Variants in DOCK9 observed in about 807,000 individuals in gnomAD.
The protein encoded by DOCK9 is dedicator of cytokinesis protein 9.
DOCK9 carries 89 observed loss-of-function variants against 263.3 expected under a neutral mutation model. That is an observed-to-expected ratio of 0.34 (90% CI 0.28 to 0.40). The LOEUF (loss-of-function observed/expected upper bound fraction) is 0.40. Ranked by LOEUF, DOCK9 falls within the 10% of genes least tolerant of loss-of-function variation. DOCK9 has a pLI of 1.00. For synonymous variants in DOCK9, 976 were observed against 973.1 expected (o/e 1.00, Z -0.06); for missense variants, 2,140 against 2,603.4 (o/e 0.82, Z 3.87).
At chr13:98,882,471 T>A (rs1304393148) in intron 23 of DOCK9, among the ~76,000 whole-genome samples, 1 of 152,174 alleles carries the variant, frequency 6.6e-6, no homozygotes, top group African/African-American at 2.4e-5. Flanking sequence ...ATTTCTCACA[T>A]TTCTTGTTTT....
In DOCK9 at chr13:98,867,915, AC is replaced by A; in HGVS notation, c.3174+12del. On this transcript the variant is annotated intron_variant, in intron 29 of 52. Transcript: ENST00000682017. Reference sequence around the variant, plus strand: ...ATGGTGACTTCTGTTACCAGTAACAACCCCCGCACTACCTTTGGGTCTCCAG... The same window carrying A: ...ATGGTGACTTCTGTTACCAGTAACAACCCCGCACTACCTTTGGGTCTCCAG... The A allele has an allele frequency of 1.9e-6, 3 of 1,611,410 alleles. No individual in the cohort carries two copies. Among genetic ancestry groups the A allele is most frequent in the Non-Finnish European group, 2.5e-6 (3 of 1,178,554 alleles).
chr13:99,084,938 T>C (rs2042271409), intron 1 of DOCK9, among the ~76,000 whole-genome samples: 1 of 152,266 alleles, frequency 6.6e-6, no homozygotes, highest in South Asian at 2.1e-4. Context: ...ACTCCTGCTC[T>C]ACTCCTTACC....
At chr13:98,918,602 A>G (rs1469827874) in intron 7 of DOCK9, among the ~76,000 whole-genome samples, 1 of 152,256 alleles carries the variant, frequency 6.6e-6, no homozygotes, top group African/African-American at 2.4e-5. Flanking sequence ...AGTGGAAACT[A>G]GATGGCAATG....
intron 43 of DOCK9, among the ~76,000 whole-genome samples, chr13:98,827,769 C>T (rs1459694110): frequency 2.0e-5 from 3 of 152,206 alleles, no homozygotes; most frequent in African/African-American, 7.2e-5. Flanking sequence ...GTCACATGCA[C>T]TGAACAGGCA....
intron 15 of DOCK9, among the ~76,000 whole-genome samples, chr13:98,892,221 T>G (rs1439226508): frequency 2.0e-5 from 3 of 152,026 alleles, no homozygotes; most frequent in Non-Finnish European, 4.4e-5. Context: ...CTTAGGAAAA[T>G]TTTCCCTTCC....
intron 45 of DOCK9, among the ~76,000 whole-genome samples, chr13:98,823,642 A>T (rs1439882802): frequency 6.6e-6 from 1 of 152,222 alleles, no homozygotes; most frequent in African/African-American, 2.4e-5. Context: ...GGAGGCAGGT[A>T]CACACAAAGA....
intron 1 of DOCK9, among the ~76,000 whole-genome samples, chr13:98,960,111 C>T (rs1254658449): frequency 2.0e-5 from 3 of 152,194 alleles, no homozygotes; most frequent in African/African-American, 7.2e-5. Flanking sequence ...ACAGATCTGG[C>T]ACACAGCCGT....
At chr13:99,050,597 G>A (rs2096381) in intron 1 of DOCK9, among the ~76,000 whole-genome samples, 2 of 152,198 alleles carry the variant, frequency 1.3e-5, no homozygotes, top group Non-Finnish European at 2.9e-5. Context: ...GGAGGTTGAG[G>A]CAGGAGAATA....
intron 2 of DOCK9, among the ~76,000 whole-genome samples, chr13:98,944,098 T>C (rs1419187826): frequency 6.6e-6 from 1 of 152,216 alleles, no homozygotes; most frequent in African/African-American, 2.4e-5. Flanking sequence ...CTCTCTGACA[T>C]ATTTAAAATG....
chr13:98,799,050 A>G (rs1241013274), intron 50 of DOCK9, among the ~76,000 whole-genome samples: 1 of 152,178 alleles, frequency 6.6e-6, no homozygotes, highest in Admixed American at 6.5e-5. Context: ...CTGTTACATA[A>G]TCACTCATGT....
intron 52 of DOCK9, 133 bp downstream of exon 52, chr13:98,796,982 G>C (rs1456489997): frequency 6.6e-6 from 6 of 911,640 alleles, no homozygotes; most frequent in Non-Finnish European, 1.0e-5. Flanking sequence ...GAGCATGGCA[G>C]GAGTGTGGTA....
chr13:98,882,076 T>C (rs2044864527), intron 23 of DOCK9, 69 bp from the exon 24 acceptor site: 2 of 1,280,698 alleles, frequency 1.6e-6, no homozygotes, highest in Non-Finnish European at 1.1e-6. Context: ...TAACTTCCAC[T>C]CTTCCAAACA....
At position 98,972,448 on chromosome 13, in the gene DOCK9, T is replaced by C. The variant is rs189160522; in HGVS notation, c.126+5336A>G. Among the ~76,000 whole-genome samples the C allele has an allele frequency of 1.6e-4, 24 of 152,202 alleles. No individual in the cohort carries two copies. In the East Asian group the frequency reaches 4.4e-3, roughly 28 times the overall value. ...TTTCTATACACTGCTACCCAGGAGG[T>C]AGCAGTGACTTGGCATGGCAATGAG... On this transcript the variant is annotated intron_variant, in intron 1 of 52. Transcript: ENST00000682017.
At chr13:98,803,843 C>T (rs2090388425) in intron 49 of DOCK9, among the ~76,000 whole-genome samples, 1 of 152,114 alleles carries the variant, frequency 6.6e-6, no homozygotes, top group South Asian at 2.1e-4. Flanking sequence ...ACTTTAAGAA[C>T]ACAGTTTTGT....
intron 1 of DOCK9, among the ~76,000 whole-genome samples, chr13:99,071,268 A>C (rs2041656769): frequency 6.9e-6 from 1 of 145,794 alleles, no homozygotes; most frequent in Non-Finnish European, 1.5e-5. Context: ...TCAGCCTTCC[A>C]AGTAGCTGGA....
In DOCK9 at chr13:98,914,402, T is replaced by C; in HGVS notation, c.893-7A>G. On this transcript the variant is annotated splice_polypyrimidine_tract_variant and splice_region_variant and intron_variant, in intron 8 of 52. Transcript: ENST00000682017. Reference sequence around the variant, plus strand: ...AATTTGCTTTGTTCATCATCTAAAATGGCAAAACAGATTATCGGAATCACT... The same window carrying C: ...AATTTGCTTTGTTCATCATCTAAAACGGCAAAACAGATTATCGGAATCACT... 2 of 1,605,200 alleles carry C rather than the reference T, an allele frequency of 1.2e-6. No homozygotes were observed. The highest frequency in any genetic ancestry group is 1.7e-6 in the Non-Finnish European group (2 of 1,175,846).
intron 1 of DOCK9, among the ~76,000 whole-genome samples, chr13:99,055,284 T>C (rs1457493592): frequency 6.6e-6 from 1 of 152,180 alleles, no homozygotes; most frequent in Non-Finnish European, 1.5e-5. Flanking sequence ...AGGGTCCCAT[T>C]GGAGATTAGC....
chr13:98,855,210 G>A (rs1246836271), intron 34 of DOCK9, among the ~76,000 whole-genome samples: 2 of 152,208 alleles, frequency 1.3e-5, no homozygotes, highest in Non-Finnish European at 2.9e-5. Context: ...TTATTCTCTG[G>A]AGCTGGCTTC....
chr13:98,850,034 G>A lies in DOCK9; in HGVS notation c.4013+13C>T. The A allele has an allele frequency of 6.4e-7, 1 of 1,555,366 alleles. No homozygotes were observed. Among genetic ancestry groups the A allele is most frequent in the Non-Finnish European group, 8.7e-7 (1 of 1,144,624 alleles). ...AAAATCAAGAGGCAGTGATCAAAGA[G>A]AAAGCTACTTACTCAGATATTGTAA... On this transcript the variant is annotated intron_variant, in intron 36 of 52. Coordinates refer to ENST00000682017, the MANE Select transcript of DOCK9 (RefSeq NM_001366683.2).
Sources: allele counts gnomAD v4.1 joint callset (sites outside exome capture counted in the v4.1 genomes callset), GRCh38; gene constraint gnomAD v4.1.1; transcripts MANE v1.5; gene names NCBI Gene and HGNC (gene_info 2026-07-23, HGNC 2026-07-21).